The following PTPN2 variants were observed in gnomAD, a reference collection of about 807,000 sequenced individuals.
The protein encoded by PTPN2 is protein tyrosine phosphatase non-receptor type 2.
In PTPN2, 19 loss-of-function variants were observed where a neutral mutation model predicts 57.3. That is an observed-to-expected ratio of 0.33 (90% CI 0.23 to 0.49). The LOEUF (loss-of-function observed/expected upper bound fraction) is 0.49, where lower values mean the gene tolerates loss of function less well. PTPN2 is among the 20% of genes least tolerant of loss of function. PTPN2 has a pLI of 0.99. For missense variants in PTPN2, 358 were observed against 501.1 expected, an observed-to-expected ratio of 0.71 and a Z score of 2.73; for synonymous variants, 153 against 164.9, an observed-to-expected ratio of 0.93 and a Z score of 0.55.
intron 8 of PTPN2, among the ~76,000 whole-genome samples, chr18:12,796,533 G>C (rs941245806): frequency 2.6e-5 from 4 of 152,134 alleles, no homozygotes; most frequent in African/African-American, 9.7e-5. Flanking sequence ...TTGTTAGTGG[G>C]AATGTAAAAT....
intron 8 of PTPN2, 100 bp from the exon 9 acceptor site, chr18:12,794,585 T>C: frequency 7.2e-7 from 1 of 1,388,552 alleles, no homozygotes; most frequent in East Asian, 2.4e-5. Flanking sequence ...ATCCACATAG[T>C]TTTCACCCTA....
intron 5 of PTPN2, 57 bp downstream of exon 5, chr18:12,825,753 G>A: frequency 6.7e-7 from 1 of 1,492,076 alleles, no homozygotes; most frequent in East Asian, 2.3e-5. Flanking sequence ...TAATAATAAA[G>A]AATAATTCTT....
intron 8 of PTPN2, among the ~76,000 whole-genome samples, chr18:12,795,447 C>A (rs535392428): frequency 1.2e-4 from 19 of 152,290 alleles, no homozygotes; most frequent in African/African-American, 3.1e-4. Flanking sequence ...ACGTGCACCA[C>A]CACGCCTGGC....
At chr18:12,839,809 C>A (rs566791241) in intron 2 of PTPN2, among the ~76,000 whole-genome samples, 1 of 152,096 alleles carries the variant, frequency 6.6e-6, no homozygotes, top group African/African-American at 2.4e-5. Context: ...GACAAGGAGT[C>A]CCTTCACCTC....
At chr18:12,883,528 G>C (rs2145557894) in intron 1 of PTPN2, 1 of 152,158 alleles carries the variant, frequency 6.6e-6, no homozygotes, top group South Asian at 2.1e-4. Flanking sequence ...TGCTCCCACA[G>C]GTCCTGCGCG....
intron 1 of PTPN2, among the ~76,000 whole-genome samples, chr18:12,868,252 GT>G (rs1350446754): frequency 2.0e-5 from 3 of 149,890 alleles, no homozygotes; most frequent in African/African-American, 4.9e-5. Context: ...TTTGTTTTTT[GT>G]TTTTTTTTGA....
intron 7 of PTPN2, among the ~76,000 whole-genome samples, chr18:12,804,512 G>A (rs568650443): frequency 3.0e-4 from 44 of 148,470 alleles, no homozygotes; most frequent in African/African-American, 1.0e-3. Context: ...ACCTATAGCA[G>A]ACTAAGAAAA....
At chr18:12,871,147 G>C (rs149229701) in intron 1 of PTPN2, among the ~76,000 whole-genome samples, 1 of 152,228 alleles carries the variant, frequency 6.6e-6, no homozygotes, top group African/African-American at 2.4e-5. Context: ...CTTCCATATA[G>C]ATAATGAGTT....
At chr18:12,792,031 T>C (rs2040998272), downstream of PTPN2, 1 of 175,720 alleles carries the variant, frequency 5.7e-6, no homozygotes, top group Non-Finnish European at 1.1e-5. Context: ...ACCTGAAATG[T>C]AAGGGTCTTG....
intron 3 of PTPN2, among the ~76,000 whole-genome samples, chr18:12,833,611 T>C (rs1163843754): frequency 6.6e-6 from 1 of 152,092 alleles, no homozygotes; most frequent in African/African-American, 2.4e-5. Context: ...CATGAAAGTT[T>C]AGGGCATATT....
Position 12,827,532 on chromosome 18 carries a change from G to A in PTPN2, c.361-1588C>T, listed in dbSNP as rs545403867. 1.3e-4 allele frequency among the ~76,000 whole-genome samples: 20 copies of A among 151,628 alleles called. No individual in the cohort carries two copies. The East Asian group carries it at 2.1e-3, about 16-fold the overall frequency. On this transcript the variant is annotated intron_variant, in intron 4 of 8. Coordinates refer to ENST00000309660, the MANE Select transcript of PTPN2 (RefSeq NM_002828.4). ...CAACCCCAGCTGGGACTCCAGGTGC[G>A]TGCCACCACACCTGGCTACTTTTTG...
intron 2 of PTPN2, among the ~76,000 whole-genome samples, chr18:12,854,125 G>A (rs1046942822): frequency 6.6e-6 from 1 of 152,044 alleles, no homozygotes; most frequent in African/African-American, 2.4e-5. Context: ...TCAGGAGGTC[G>A]AGGCAGGTGG....
In PTPN2 at chr18:12,792,882, C is replaced by T. The variant is rs1236141416; in HGVS notation, c.*1396G>A. 1.3e-5 allele frequency: 13 copies of T among 974,624 alleles called. No individual in the cohort carries two copies. The highest frequency in any genetic ancestry group is 4.9e-6 in the Non-Finnish European group (4 of 820,222). The allele number at this position is 974,624 out of a possible 1,614,324, so 60.4% of individuals were successfully genotyped here. A position where few individuals can be genotyped will look rare whatever the true frequency, so the allele number is the denominator to read the frequency against. On this transcript the variant is annotated 3_prime_UTR_variant, in exon 9 of 9. Transcript: ENST00000309660. ...CTGGGATTACAGGCATGAGCCACCGCGCCCGACCAAACTGTTTTTAAATGA... is the reference window on the plus strand; with the variant it reads ...CTGGGATTACAGGCATGAGCCACCGTGCCCGACCAAACTGTTTTTAAATGA...
intron 1 of PTPN2, among the ~76,000 whole-genome samples, chr18:12,864,654 T>A (rs1469589961): frequency 6.6e-6 from 1 of 152,128 alleles, no homozygotes; most frequent in East Asian, 1.9e-4. Context: ...CGCCTCAGCC[T>A]CCCAAAGTGC....
At chr18:12,859,694 G>T (rs116361560) in intron 1 of PTPN2, among the ~76,000 whole-genome samples, 164 of 152,254 alleles carry the variant, frequency 1.1e-3, no homozygotes, top group African/African-American at 3.8e-3. Flanking sequence ...AAAACTCACA[G>T]CATCTACCTA....
chr18:12,809,999 T>C (rs1204078289), intron 7 of PTPN2, among the ~76,000 whole-genome samples: 1 of 150,968 alleles, frequency 6.6e-6, no homozygotes, highest in Non-Finnish European at 1.5e-5. Flanking sequence ...CTGGGCAACA[T>C]GGTGAAACCC....
At chr18:12,801,626 G>A (rs1301187537) in intron 8 of PTPN2, among the ~76,000 whole-genome samples, 1 of 152,132 alleles carries the variant, frequency 6.6e-6, no homozygotes, top group African/African-American at 2.4e-5. Context: ...GGAGTGCAGT[G>A]GTGGTATGTC....
intron 1 of PTPN2, chr18:12,863,846 A>G (rs2043901952): frequency 6.6e-6 from 1 of 152,240 alleles, no homozygotes; most frequent in Admixed American, 6.5e-5. Context: ...TATTTTTAAT[A>G]TGATTTTTGC....
intron 7 of PTPN2, among the ~76,000 whole-genome samples, chr18:12,806,455 T>TAAAATTTG (rs1177703687): frequency 6.6e-6 from 1 of 152,118 alleles, no homozygotes; most frequent in Non-Finnish European, 1.5e-5. Flanking sequence ...TAAATAATCC[T>TAAAATTTG]AAAATTTGTA....
Sources: gnomAD v4.1 joint callset for allele counts (sites outside exome capture counted in the v4.1 genomes callset) on GRCh38, gnomAD v4.1.1 for gene constraint, MANE v1.5 for transcripts, NCBI Gene and HGNC (gene_info 2026-07-23, HGNC 2026-07-21) for gene names.